Variants in CCDC3 observed in about 807,000 individuals in gnomAD.
CCDC3 encodes coiled-coil domain-containing protein 3.
In CCDC3, 24 loss-of-function variants were observed where a neutral mutation model predicts 21.4. The ratio of observed to expected loss-of-function variants is 1.12; its 90% CI spans 0.81 to 1.58. The LOEUF is 1.58. Among genes scored for constraint, CCDC3 ranks in the 40% most tolerant of loss-of-function variants. CCDC3 has a pLI of 0.00. For missense variants in CCDC3, 425 were observed against 360.9 expected, an observed-to-expected ratio of 1.18 and a Z score of -1.44; for synonymous variants, 186 against 166.0, an observed-to-expected ratio of 1.12 and a Z score of -0.93.
At chr10:13,043,270 A>G (rs915884367) in intron 5 of CCDC3, among the ~76,000 whole-genome samples, 6 of 152,100 alleles carry the variant, frequency 3.9e-5, no homozygotes, top group Non-Finnish European at 8.8e-5. Flanking sequence ...CCTTATGTCC[A>G]TGAGACATAA....
intron 4 of CCDC3, among the ~76,000 whole-genome samples, chr10:13,063,011 C>A (rs116084076): frequency 6.8e-6 from 1 of 146,864 alleles, no homozygotes; most frequent in Admixed American, 6.7e-5. Context: ...ACTGGCTTAC[C>A]GATTTCATCT....
Position 12,898,289 on chromosome 10 carries a change from A to G in CCDC3, c.*127T>C. ...CAAGCCTTGCATTTTATCCATTTAGACTCTACCAAATGCGTGATTAAAAAC... is the reference window on the plus strand; with the variant it reads ...CAAGCCTTGCATTTTATCCATTTAGGCTCTACCAAATGCGTGATTAAAAAC... On this transcript the variant is annotated 3_prime_UTR_variant, in exon 3 of 3. Transcript: ENST00000378825. The G allele has an allele frequency of 9.6e-7, 1 of 1,045,814 alleles. No individual in the cohort carries two copies. Among genetic ancestry groups the G allele is most frequent in the Non-Finnish European group, 1.4e-6 (1 of 732,806 alleles). 64.8% of individuals were successfully genotyped at this position (1,045,814 alleles called of 1,614,324 possible). A position where few individuals can be genotyped will look rare whatever the true frequency, so the allele number is the denominator to read the frequency against.
chr10:13,005,150 G>A (rs373576688), upstream of CCDC3, among the ~76,000 whole-genome samples: 3 of 152,136 alleles, frequency 2.0e-5, no homozygotes, highest in Non-Finnish European at 2.9e-5. Context: ...AAGTTCTATC[G>A]ACTGGGAGAA....
In CCDC3 at chr10:12,898,516, A is replaced by AG; in HGVS notation, c.712dup (p.Leu238ProfsTer10). On this transcript the variant is annotated frameshift_variant, in exon 3 of 3. Coordinates refer to ENST00000378825, the MANE Select transcript of CCDC3 (RefSeq NM_031455.4). LOFTEE classifies it low-confidence loss of function (END_TRUNC). ...ACTGAGTTTCTGGTTCGCCAGCTCC[A>AG]GGTGGCGGCCCTTCTTACGCGCCTG... 6.2e-7 allele frequency: 1 copy of AG among 1,614,154 alleles called. No individual in the cohort carries two copies.
chr10:13,087,618 A>G (rs1837127636), intron 3 of CCDC3, among the ~76,000 whole-genome samples: 2 of 152,046 alleles, frequency 1.3e-5, no homozygotes, highest in South Asian at 4.1e-4. Flanking sequence ...CTGGGGAAAA[A>G]CAGGAGGTCC....
At chr10:13,039,249 C>G (rs1836418126) in intron 5 of CCDC3, among the ~76,000 whole-genome samples, 1 of 152,084 alleles carries the variant, frequency 6.6e-6, no homozygotes, top group Admixed American at 6.6e-5. Context: ...AACCCCGTTT[C>G]TACTAAACCC....
chr10:13,031,566 T>C (rs962846111), intron 5 of CCDC3, among the ~76,000 whole-genome samples: 3 of 152,086 alleles, frequency 2.0e-5, no homozygotes, highest in Non-Finnish European at 2.9e-5. Context: ...AGCTGGTTTT[T>C]TGAAAAAATC....
chr10:12,903,421 A>T (rs974157592), intron 2 of CCDC3, among the ~76,000 whole-genome samples: 1 of 152,258 alleles, frequency 6.6e-6, no homozygotes, highest in Non-Finnish European at 1.5e-5. Context: ...ACTGCTTTAA[A>T]AAGAAAAAAA....
chr10:12,998,134 A>G (rs990891513), intron 2 of CCDC3, among the ~76,000 whole-genome samples: 3 of 152,194 alleles, frequency 2.0e-5, no homozygotes, highest in Admixed American at 2.0e-4. Context: ...CCAACAGTAA[A>G]GCTTCAGGGA....
chr10:13,071,708 C>T (rs1836884369), intron 4 of CCDC3, among the ~76,000 whole-genome samples: 1 of 152,176 alleles, frequency 6.6e-6, no homozygotes, highest in African/African-American at 2.4e-5. Context: ...TTCCGTCCCT[C>T]ACGTACTCTG....
intron 2 of CCDC3, among the ~76,000 whole-genome samples, chr10:12,986,091 G>A (rs920268499): frequency 6.6e-6 from 1 of 152,170 alleles, no homozygotes; most frequent in Admixed American, 6.5e-5. Context: ...GTGAGCCACC[G>A]TGCCTGGCCT....
chr10:13,089,662 A>AT (rs71386147), intron 3 of CCDC3, among the ~76,000 whole-genome samples: 20,382 of 151,308 alleles, frequency 0.13, 1,462 homozygotes, highest in Non-Finnish European at 0.17. Flanking sequence ...GAATTCAGCC[A>AT]TTTTTTTAAA....
intron 2 of CCDC3, among the ~76,000 whole-genome samples, chr10:12,986,667 G>T (rs189179031): frequency 7.2e-5 from 11 of 151,990 alleles, no homozygotes; most frequent in African/African-American, 1.9e-4. Flanking sequence ...CCAGCTACTC[G>T]GGAGGCTGAG....
chr10:13,029,271 CCTGA>C (rs1836266921), intron 5 of CCDC3, among the ~76,000 whole-genome samples: 1 of 152,148 alleles, frequency 6.6e-6, no homozygotes, highest in Non-Finnish European at 1.5e-5. Context: ...AGCTGACGGT[CCTGA>C]CTGTTAGAAG....
At chr10:13,073,004 T>C (rs1254258173) in intron 4 of CCDC3, among the ~76,000 whole-genome samples, 1 of 151,820 alleles carries the variant, frequency 6.6e-6, no homozygotes, top group African/African-American at 2.4e-5. Flanking sequence ...GCAGCTGGGA[T>C]TACAGGCATG....
Position 12,944,307 on chromosome 10 carries a change from T to C in CCDC3, c.550-45628A>G, listed in dbSNP as rs187353122. Among the ~76,000 whole-genome samples, 138 of 152,276 alleles carry C rather than the reference T, an allele frequency of 9.1e-4. 1 individual carries two copies. The highest frequency in any genetic ancestry group is 3.1e-3 in the African/African-American group (127 of 41,556). Reference sequence around the variant, plus strand: ...TCTCTGACGCCTGCTACCTGGAGGCTTCATCTACGTGACAAGAACCTTGGC... The same window carrying C: ...TCTCTGACGCCTGCTACCTGGAGGCCTCATCTACGTGACAAGAACCTTGGC... On this transcript the variant is annotated intron_variant, in intron 2 of 2. Transcript: ENST00000378825.
intron 4 of CCDC3, among the ~76,000 whole-genome samples, chr10:13,064,537 C>T (rs1836801699): frequency 6.6e-6 from 1 of 152,136 alleles, no homozygotes; most frequent in Non-Finnish European, 1.5e-5. Flanking sequence ...TACTTTTATA[C>T]ATTCTAGGGA....
In CCDC3 at chr10:12,898,241, G is replaced by T; in HGVS notation, c.*175C>A. 2 of 768,312 alleles carry T rather than the reference G, an allele frequency of 2.6e-6. No individual in the cohort carries two copies. The highest frequency in any genetic ancestry group is 3.9e-5 in the South Asian group (2 of 51,802). The allele number at this position is 768,312 out of a possible 1,614,324, so 47.6% of individuals were successfully genotyped here. A position where few individuals can be genotyped will look rare whatever the true frequency, so the allele number is the denominator to read the frequency against. On this transcript the variant is annotated 3_prime_UTR_variant, in exon 3 of 3. Coordinates refer to ENST00000378825, the MANE Select transcript of CCDC3 (RefSeq NM_031455.4). ...GGGGCAGCGCGTGGGGTCTGACATT[G>T]AGGCCAGCACCCAAGGGGAAAGCAA...
At chr10:13,097,500 G>T (rs1832642967) in intron 3 of CCDC3, among the ~76,000 whole-genome samples, 1 of 152,214 alleles carries the variant, frequency 6.6e-6, no homozygotes, top group African/African-American at 2.4e-5. Context: ...GAGGCAGGTG[G>T]ATCACCCGAG....
Sources: gnomAD v4.1 joint callset for allele counts (sites outside exome capture counted in the v4.1 genomes callset) on GRCh38, gnomAD v4.1.1 for gene constraint, MANE v1.5 for transcripts, NCBI Gene and HGNC (gene_info 2026-07-23, HGNC 2026-07-21) for gene names.